Variants in WWOX observed in about 807,000 individuals in gnomAD.
The protein encoded by WWOX is WW domain-containing oxidoreductase.
WWOX carries 69 observed loss-of-function variants against 46.2 expected under a neutral mutation model. That is an observed-to-expected ratio of 1.49 (90% CI 1.23 to 1.82). The LOEUF (loss-of-function observed/expected upper bound fraction) is 1.82, where lower values mean the gene tolerates loss of function less well. Ranked by LOEUF, WWOX falls within the 40% of genes most tolerant of loss-of-function variation. The pLI is 0.00. For synonymous variants in WWOX, 359 were observed against 202.6 expected, an observed-to-expected ratio of 1.77 and a Z score of -6.56; for missense variants, 919 against 542.6, an observed-to-expected ratio of 1.69 and a Z score of -6.89.
In WWOX at chr16:79,074,409, C is replaced by CTTTTTTTTTTT. The variant is rs60074156; in HGVS notation, c.1057-137176_1057-137166dup. On this transcript the variant is annotated intron_variant, in intron 8 of 8. Coordinates refer to ENST00000566780, the MANE Select transcript of WWOX (RefSeq NM_016373.4). ...CATCCTGACTGAAATGTCACTAGTC[C>CTTTTTTTTTTT]TTTTTTTTTTTTTTTTTTTTTTTTT... Among the ~76,000 whole-genome samples the CTTTTTTTTTTT allele has an allele frequency of 1.6e-3, 50 of 30,984 alleles. 6 individuals are homozygous for CTTTTTTTTTTT. The highest frequency in any genetic ancestry group is 1.8e-3 in the South Asian group (1 of 554). The allele number at this position is 30,984 out of a possible 152,430, so 20.3% of individuals were successfully genotyped here.
chr16:78,649,245 G>A (rs9935953), intron 8 of WWOX, among the ~76,000 whole-genome samples: 60,480 of 151,882 alleles, frequency 0.4, 12,571 homozygotes, highest in African/African-American at 0.5. Flanking sequence ...TCGGACTTCC[G>A]AAGTGCTGGG....
intron 8 of WWOX, chr16:78,780,384 T>G (rs1379596787): frequency 3.9e-5 from 6 of 152,220 alleles, no homozygotes; most frequent in Non-Finnish European, 8.8e-5. Flanking sequence ...GTTAATTAAT[T>G]AATTCATGTC....
chr16:79,208,365 A>T (rs2051592416), intron 8 of WWOX, among the ~76,000 whole-genome samples: 1 of 137,926 alleles, frequency 7.3e-6, no homozygotes, highest in African/African-American at 2.7e-5. Context: ...CAGGCTTCTG[A>T]TAAATGATTG....
At chr16:79,064,709 A>G (rs2048411816) in intron 8 of WWOX, among the ~76,000 whole-genome samples, 1 of 152,204 alleles carries the variant, frequency 6.6e-6, no homozygotes, top group Non-Finnish European at 1.5e-5. Context: ...GTCAGCCCTG[A>G]GGGAGGAGTG....
chr16:78,848,645 T>C (rs779777750), intron 8 of WWOX, among the ~76,000 whole-genome samples: 1 of 152,112 alleles, frequency 6.6e-6, no homozygotes, highest in Non-Finnish European at 1.5e-5. Flanking sequence ...TTTAGCCTAA[T>C]TAACAGATTT....
intron 8 of WWOX, among the ~76,000 whole-genome samples, chr16:78,853,771 G>C (rs2052505394): frequency 6.6e-6 from 1 of 152,060 alleles, no homozygotes; most frequent in African/African-American, 2.4e-5. Context: ...ATCCCAGGGA[G>C]GTTTTCACTG....
rs980831719 is a variant in WWOX at position 79,049,956 on chromosome 16, C to T, written c.1057-161652C>T. On this transcript the variant is annotated intron_variant, in intron 8 of 8. Transcript: ENST00000566780. ...TTCCATTAAGGGAAAGACTCCAGGG[C>T]AAGAAAAAAACATGTCATGCTTGTA... 2.0e-5 allele frequency among the ~76,000 whole-genome samples: 3 copies of T among 151,778 alleles called. No individual in the cohort carries two copies. The East Asian group carries it at 5.8e-4, about 29-fold the overall frequency.
At chr16:78,458,331 G>GCTCA (rs2083874268) in intron 8 of WWOX, among the ~76,000 whole-genome samples, 1 of 149,000 alleles carries the variant, frequency 6.7e-6, no homozygotes, top group Admixed American at 6.8e-5. Flanking sequence ...CGTGATCACA[G>GCTCA]CTCACTGCAG....
intron 8 of WWOX, among the ~76,000 whole-genome samples, chr16:78,625,502 A>G (rs1049304454): frequency 2.6e-5 from 4 of 152,146 alleles, no homozygotes; most frequent in African/African-American, 7.2e-5. Context: ...TTAGATTTAA[A>G]GAAAAATCAA....
intron 8 of WWOX, among the ~76,000 whole-genome samples, chr16:78,917,261 A>G (rs894834265): frequency 6.6e-6 from 1 of 152,238 alleles, no homozygotes; most frequent in African/African-American, 2.4e-5. Flanking sequence ...ACTGAGAGTC[A>G]GGAGGCGTGG....
At chr16:78,432,366 A>T (rs566575846) in intron 7 of WWOX, 122 bp from the exon 8 acceptor site, 1 of 1,362,640 alleles carries the variant, frequency 7.3e-7, no homozygotes, top group African/African-American at 1.4e-5. Flanking sequence ...TAAGACTCCC[A>T]AAGTGCTCGG....
rs190096309 is a variant in WWOX, at chr16:78,313,314, C to T, written c.517-73546C>T. On this transcript the variant is annotated intron_variant, in intron 5 of 8. Transcript: ENST00000566780. Reference sequence around the variant, plus strand: ...TAGATCTGCTGGGAACATGATAGAACGTCTGAACAGTGCTGGCTTATAGCA... The same window carrying T: ...TAGATCTGCTGGGAACATGATAGAATGTCTGAACAGTGCTGGCTTATAGCA... 3.3e-3 allele frequency among the ~76,000 whole-genome samples: 506 copies of T among 152,230 alleles called. 5 individuals are homozygous for T. The highest frequency in any genetic ancestry group is 3.4e-3 in the Middle Eastern group (1 of 294).
chr16:78,456,196 T>A (rs562422225), intron 8 of WWOX, among the ~76,000 whole-genome samples: 2 of 152,184 alleles, frequency 1.3e-5, no homozygotes, highest in Non-Finnish European at 2.9e-5. Context: ...ATTCAGAGGT[T>A]GTTTTTATAG....
chr16:78,471,839 TTAAA>T (rs2084229794), intron 8 of WWOX, among the ~76,000 whole-genome samples: 1 of 152,238 alleles, frequency 6.6e-6, no homozygotes, highest in South Asian at 2.1e-4. Flanking sequence ...TATGTACACA[TTAAA>T]TAAACTTTTA....
At chr16:78,288,331 C>T (rs1322396113) in intron 5 of WWOX, among the ~76,000 whole-genome samples, 15 of 146,430 alleles carry the variant, frequency 1.0e-4, no homozygotes, top group African/African-American at 3.1e-4. Context: ...AGTGATAGGA[C>T]GGGTAACCCA....
chr16:78,985,125 C>G (rs1411147729), intron 8 of WWOX, among the ~76,000 whole-genome samples: 1 of 152,198 alleles, frequency 6.6e-6, no homozygotes, highest in Non-Finnish European at 1.5e-5. Flanking sequence ...CAGATTCCAT[C>G]TGAATTGCAG....
intron 6 of WWOX, among the ~76,000 whole-genome samples, chr16:78,422,836 TATACATATACACAC>T (rs2082978227): frequency 9.4e-6 from 1 of 106,682 alleles, no homozygotes; most frequent in South Asian, 3.4e-4. Context: ...CATATATATA[TATACATATACACAC>T]ACACACACAC....
Position 78,799,992 on chromosome 16 carries a change from A to C in WWOX, c.1056+367240A>C, listed in dbSNP as rs529827741. Among the ~76,000 whole-genome samples the C allele has an allele frequency of 2.6e-3, 389 of 152,246 alleles. 4 individuals are homozygous for C. Among genetic ancestry groups the C allele is most frequent in the African/African-American group, 9.0e-3 (376 of 41,552 alleles). ...GCATTGCAGGTCTGAGGTTCCGATG[A>C]ACTCTTTTTTCTCTCCTTCCCCATT... On this transcript the variant is annotated intron_variant, in intron 8 of 8. Transcript: ENST00000566780.
intron 8 of WWOX, among the ~76,000 whole-genome samples, chr16:78,798,547 C>G (rs969903913): frequency 5.3e-5 from 8 of 150,310 alleles, no homozygotes; most frequent in Admixed American, 4.0e-4. Flanking sequence ...ACAAGCTTAG[C>G]TATGCAATAT....
Sources: gnomAD v4.1 joint callset for allele counts (sites outside exome capture counted in the v4.1 genomes callset) on GRCh38, gnomAD v4.1.1 for gene constraint, MANE v1.5 for transcripts, NCBI Gene and HGNC (gene_info 2026-07-23, HGNC 2026-07-21) for gene names.